The following BANK1 variants were observed in gnomAD, a reference collection of about 807,000 sequenced individuals.
The protein encoded by BANK1 is B-cell scaffold protein with ankyrin repeats.
In BANK1, 95 loss-of-function variants were observed where a neutral mutation model predicts 94.5. The observed-to-expected ratio is 1.00, with a 90% CI of 0.85 to 1.19. BANK1 has a LOEUF of 1.19. Ranked by LOEUF, BANK1 falls within the 50% of genes most tolerant of loss-of-function variation. The pLI is 0.00. For missense variants in BANK1, 987 were observed against 932.2 expected (o/e 1.06, Z -0.77); for synonymous variants, 334 against 308.4 (o/e 1.08, Z -0.87).
At chr4:101,800,768 A>T (rs1725332121) in intron 1 of BANK1, among the ~76,000 whole-genome samples, 1 of 152,076 alleles carries the variant, frequency 6.6e-6, no homozygotes, top group Non-Finnish European at 1.5e-5. Context: ...AATTTTTCAA[A>T]TTTTTTGAGA....
Position 102,011,659 on chromosome 4 carries a change from C to T in BANK1, c.1207-9855C>T, listed in dbSNP as rs552269670. ...TCCCTTCTATTTTGATCTTACGTCC[C>T]GATGTGGGGGGAAGTATGTTTCTTT... On this transcript the variant is annotated intron_variant, in intron 7 of 16. Transcript: ENST00000322953. Among the ~76,000 whole-genome samples the T allele has an allele frequency of 5.9e-5, 9 of 152,210 alleles. No individual in the cohort carries two copies. In the South Asian group the frequency reaches 1.5e-3, roughly 25 times the overall value.
intron 5 of BANK1, among the ~76,000 whole-genome samples, chr4:101,880,453 G>T (rs1252515898): frequency 6.6e-6 from 1 of 151,758 alleles, no homozygotes; most frequent in African/African-American, 2.4e-5. Context: ...TAAAAAGACA[G>T]TTCATGCTCA....
chr4:101,986,877 G>C (rs1007267412), intron 7 of BANK1, among the ~76,000 whole-genome samples: 1 of 79,108 alleles, frequency 1.3e-5, no homozygotes, highest in Non-Finnish European at 2.3e-5. Context: ...GTGTGTATGT[G>C]TGTGTGTGTG....
chr4:101,857,688 A>G (rs996080894), intron 3 of BANK1, among the ~76,000 whole-genome samples: 1 of 152,154 alleles, frequency 6.6e-6, no homozygotes, highest in Non-Finnish European at 1.5e-5. Flanking sequence ...CAGCAGAAAA[A>G]TATTTTACTT....
rs1477039530 is a variant in BANK1 at position 101,821,080 on chromosome 4, T to A, written c.71-8728T>A. ...ACATTCCCACCAACACTGTATAAGT[T>A]TTCCGTTTTCTCGACAGCCTCGCCA... On this transcript the variant is annotated intron_variant, in intron 1 of 16. Coordinates refer to ENST00000322953, the MANE Select transcript of BANK1 (RefSeq NM_017935.5). 1.3e-5 allele frequency among the ~76,000 whole-genome samples: 2 copies of A among 152,212 alleles called. 1 individual carries two copies. Among genetic ancestry groups the A allele is most frequent in the South Asian group, 4.1e-4 (2 of 4,828 alleles).
At chr4:101,962,807 CA>C (rs1270901603) in intron 7 of BANK1, among the ~76,000 whole-genome samples, 1 of 152,076 alleles carries the variant, frequency 6.6e-6, no homozygotes, top group Non-Finnish European at 1.5e-5. Flanking sequence ...TCTAGTATGG[CA>C]CTTCCTTTAA....
chr4:101,795,061 A>ATT (rs5860693), intron 1 of BANK1, among the ~76,000 whole-genome samples: 10 of 151,188 alleles, frequency 6.6e-5, no homozygotes, highest in East Asian at 3.9e-4. Context: ...TATATGCCTC[A>ATT]TTTTTTTTTT....
Position 101,953,363 on chromosome 4 carries a change from C to G in BANK1, c.1206+35174C>G, listed in dbSNP as rs931502316. 2.5e-4 allele frequency among the ~76,000 whole-genome samples: 38 copies of G among 152,154 alleles called. 1 individual carries two copies. The highest frequency in any genetic ancestry group is 9.7e-4 in the East Asian group (5 of 5,178). ...GAAACAGTGAACAAAAAGCAATTTTCCCACAACTGAGGCATCTCTGTTCTT... is the reference window on the plus strand; with the variant it reads ...GAAACAGTGAACAAAAAGCAATTTTGCCACAACTGAGGCATCTCTGTTCTT... On this transcript the variant is annotated intron_variant, in intron 7 of 16. Transcript: ENST00000322953.
intron 7 of BANK1, among the ~76,000 whole-genome samples, chr4:102,007,885 C>T (rs187400856): frequency 6.6e-6 from 1 of 152,194 alleles, no homozygotes; most frequent in African/African-American, 2.4e-5. Flanking sequence ...CTCCATTATT[C>T]AAACTCTGTA....
intron 5 of BANK1, among the ~76,000 whole-genome samples, chr4:101,882,416 T>G (rs1179448447): frequency 6.6e-6 from 1 of 152,194 alleles, no homozygotes; most frequent in Non-Finnish European, 1.5e-5. Flanking sequence ...TTTTCTACCT[T>G]AGTAATACAC....
At chr4:101,994,687 AG>A (rs1245053513) in intron 7 of BANK1, among the ~76,000 whole-genome samples, 1 of 152,168 alleles carries the variant, frequency 6.6e-6, no homozygotes, top group Non-Finnish European at 1.5e-5. Flanking sequence ...GCTCATTGTT[AG>A]CAAAGCAGGA....
intron 2 of BANK1, among the ~76,000 whole-genome samples, chr4:101,847,120 A>G (rs1560599227): frequency 6.6e-6 from 1 of 152,138 alleles, no homozygotes. Context: ...CACCTGGTAC[A>G]TAGTTGGCTG....
At chr4:101,826,842 T>C (rs1287383869) in intron 1 of BANK1, among the ~76,000 whole-genome samples, 1 of 151,912 alleles carries the variant, frequency 6.6e-6, no homozygotes, top group Non-Finnish European at 1.5e-5. Context: ...GTGTAGGAAT[T>C]TGGATTGAAA....
intron 10 of BANK1, among the ~76,000 whole-genome samples, chr4:102,033,118 G>A (rs1382983213): frequency 6.6e-6 from 1 of 152,154 alleles, no homozygotes; most frequent in Non-Finnish European, 1.5e-5. Context: ...AGCATGCTGA[G>A]ATTAGAATGC....
In BANK1 at chr4:101,790,937, C is replaced by A; in HGVS notation, c.57C>A (p.Gly19=). 6.6e-7 allele frequency: 1 copy of A among 1,523,958 alleles called. No individual in the cohort carries two copies. Among genetic ancestry groups the A allele is most frequent in the South Asian group, 1.2e-5 (1 of 81,958 alleles). The allele number at this position is 1,523,958 out of a possible 1,614,324, so 94.4% of individuals were successfully genotyped here. A position where few individuals can be genotyped will look rare whatever the true frequency, so the allele number is the denominator to read the frequency against. ...GLGSPDPAPC[G]PAPPGNTKDI... is the part of the protein sequence containing the mutation. ...GGAGCCCGGACCCCGCCCCCTGCGG[C>A]CCAGCGCCCCCAGGTGGGTAGTCGC... Residue 19 remains glycine, a synonymous_variant, in exon 1 of 17, where the codon GGC becomes GGA. Transcript: ENST00000322953.
At chr4:101,821,747 A>G (rs1726157424) in intron 1 of BANK1, among the ~76,000 whole-genome samples, 1 of 152,166 alleles carries the variant, frequency 6.6e-6, no homozygotes, top group Non-Finnish European at 1.5e-5. Flanking sequence ...CACTAGTGAG[A>G]TAAGGGAAAG....
At chr4:102,026,071 T>A (rs1466723413) in intron 9 of BANK1, among the ~76,000 whole-genome samples, 1 of 152,196 alleles carries the variant, frequency 6.6e-6, no homozygotes, top group Non-Finnish European at 1.5e-5. Flanking sequence ...AAAAACACTC[T>A]ATACACTACC....
chr4:102,033,836 A>G lies in BANK1; in HGVS notation c.1900+3571A>G, dbSNP rs114044546. Among the ~76,000 whole-genome samples the G allele has an allele frequency of 5.7e-3, 869 of 152,332 alleles. 11 individuals carry two copies. The highest frequency in any genetic ancestry group is 0.02 in the African/African-American group (825 of 41,578). Reference sequence around the variant, plus strand: ...AATAAGTAGCAAAAGCTGGACTACAAATAATGTCACCAAAATCCTTTTCCA... The same window carrying G: ...AATAAGTAGCAAAAGCTGGACTACAGATAATGTCACCAAAATCCTTTTCCA... On this transcript the variant is annotated intron_variant, in intron 10 of 16. Transcript: ENST00000322953.
chr4:101,790,926 G>GC lies in BANK1; in HGVS notation c.51dup (p.Cys18LeufsTer17), dbSNP rs752147109. ...CAAGGGGCTTGGGAGCCCGGACCCC[G>GC]CCCCCTGCGGCCCAGCGCCCCCAGG... On this transcript the variant is annotated frameshift_variant, in exon 1 of 17. Transcript: ENST00000322953. LOFTEE classifies it high-confidence loss of function. 128 of 1,528,958 alleles carry GC rather than the reference G, an allele frequency of 8.4e-5. 1 individual carries two copies. Among genetic ancestry groups the GC allele is most frequent in the Non-Finnish European group, 1.1e-4 (122 of 1,143,642 alleles). 94.7% of individuals were successfully genotyped at this position (1,528,958 alleles called of 1,614,324 possible). A position where few individuals can be genotyped will look rare whatever the true frequency, so the allele number is the denominator to read the frequency against.
Sources: gnomAD v4.1 joint callset for allele counts (sites outside exome capture counted in the v4.1 genomes callset) on GRCh38, gnomAD v4.1.1 for gene constraint, MANE v1.5 for transcripts, NCBI Gene and HGNC (gene_info 2026-07-23, HGNC 2026-07-21) for gene names.